The following TRIM2 variants were observed in gnomAD, a reference collection of about 807,000 sequenced individuals.
TRIM2 encodes tripartite motif-containing protein 2.
TRIM2 carries 20 observed loss-of-function variants against 75.2 expected under a neutral mutation model. The observed-to-expected ratio is 0.27, with a 90% CI of 0.19 to 0.39. TRIM2 has a LOEUF of 0.39. Among genes scored for constraint, TRIM2 ranks in the 10% least tolerant of loss-of-function variants. TRIM2 has a pLI of 1.00. For synonymous variants in TRIM2, 373 were observed against 388.3 expected (o/e 0.96, Z 0.46); for missense variants, 660 against 990.8 (o/e 0.67, Z 4.48).
At chr4:153,165,085 T>C (rs1730161969) in intron 1 of TRIM2, among the ~76,000 whole-genome samples, 1 of 152,188 alleles carries the variant, frequency 6.6e-6, no homozygotes, top group Admixed American at 6.6e-5. Context: ...ACTTCTCCAC[T>C]CCCTCTGGGA....
Position 153,315,848 on chromosome 4 carries a change from G to C in TRIM2, c.1631G>C (p.Gly544Ala). 6.2e-7 allele frequency: 1 copy of C among 1,614,086 alleles called. No individual in the cohort carries two copies. The highest frequency in any genetic ancestry group is 8.5e-7 in the Non-Finnish European group (1 of 1,180,022). The change falls in exon 8 of 12, where the codon GGC (glycine) becomes GCC (alanine). Residue 544 changes from glycine to alanine, a missense_variant. Physicochemically the swap from Gly to Ala is moderately conservative, Grantham distance 60. Around this residue, in one of 2 missense-constraint regions of TRIM2, gnomAD observed 620 missense variants for 891.0 expected, o/e 0.70. Coordinates refer to ENST00000338700, the MANE Select transcript of TRIM2 (RefSeq NM_015271.5). ...ATCTTACAGATATTTTCCAATGATGGCCAGTTCAAAAGTCGTTTTGGCATA... is the reference window on the plus strand; with the variant it reads ...ATCTTACAGATATTTTCCAATGATGCCCAGTTCAAAAGTCGTTTTGGCATA... ...NQCVQIFSND[G>A]QFKSRFGIRG...
intron 11 of TRIM2, 113 bp from the exon 12 acceptor site, chr4:153,334,701 G>A: frequency 3.7e-6 from 4 of 1,072,770 alleles, no homozygotes; most frequent in South Asian, 3.6e-5. Context: ...GTGAGACCCT[G>A]TCAAAAAGAA....
Position 153,314,216 on chromosome 4 carries a change from C to T in TRIM2, c.1511-1269C>T, listed in dbSNP as rs953109679. On this transcript the variant is annotated intron_variant, in intron 6 of 11. Coordinates refer to ENST00000338700, the MANE Select transcript of TRIM2 (RefSeq NM_015271.5). ...CGGGCGGATCACGAGGTCAGGAGAT[C>T]GAGACCATCCCGGCTAAAACGGTGA... is the stretch of plus-strand genomic sequence containing the variant. Among the ~76,000 whole-genome samples the T allele has an allele frequency of 6.9e-5, 10 of 144,576 alleles. No homozygotes were observed. The East Asian group carries it at 1.2e-3, about 17-fold the overall frequency. 94.8% of individuals were successfully genotyped at this position (144,576 alleles called of 152,430 possible).
At chr4:153,316,687 A>G (rs545011812) in intron 8 of TRIM2, among the ~76,000 whole-genome samples, 1 of 152,252 alleles carries the variant, frequency 6.6e-6, no homozygotes, top group African/African-American at 2.4e-5. Context: ...CTTTTTGCAA[A>G]TAAAAATTTA....
rs1210272666 is a variant in TRIM2 at position 153,338,553 on chromosome 4, T to A, written c.*3587T>A. ...TTTATAATTACTTTAATATTTTTGA[T>A]AACTAGAAATCTAGTATTGCCATAA... On this transcript the variant is annotated 3_prime_UTR_variant, in exon 12 of 12. Transcript: ENST00000338700. 2.0e-6 allele frequency: 2 copies of A among 983,902 alleles called. No homozygotes were observed. The highest frequency in any genetic ancestry group is 2.4e-6 in the Non-Finnish European group (2 of 828,328). 60.9% of individuals were successfully genotyped at this position (983,902 alleles called of 1,614,324 possible).
At chr4:153,270,289 C>T (rs1756357520) in intron 1 of TRIM2, 46 bp from the exon 2 acceptor site, 3 of 1,575,194 alleles carry the variant, frequency 1.9e-6, no homozygotes, top group Admixed American at 1.8e-5. Context: ...TGACTTGTAC[C>T]TACAGATCAT....
rs1772463867 is a variant in TRIM2 at position 153,336,443 on chromosome 4, A to G, written c.*1477A>G. The G allele has an allele frequency of 7.1e-6, 7 of 985,512 alleles. No homozygotes were observed. Among genetic ancestry groups the G allele is most frequent in the Non-Finnish European group, 8.4e-6 (7 of 829,688 alleles). 61.0% of individuals were successfully genotyped at this position (985,512 alleles called of 1,614,324 possible). On this transcript the variant is annotated 3_prime_UTR_variant, in exon 12 of 12. Coordinates refer to ENST00000338700, the MANE Select transcript of TRIM2 (RefSeq NM_015271.5). ...TGAGTTACATTTAATTTAAATATAA[A>G]TGCATTTTGAGAAATGTTAAGAACA...
intron 1 of TRIM2, among the ~76,000 whole-genome samples, chr4:153,225,347 C>T (rs1424048806): frequency 6.6e-6 from 1 of 152,196 alleles, no homozygotes; most frequent in East Asian, 1.9e-4. Flanking sequence ...ATGATGAAGA[C>T]AGGAACAATG....
chr4:153,301,180 G>A (rs1308234315), intron 6 of TRIM2, among the ~76,000 whole-genome samples: 1 of 149,584 alleles, frequency 6.7e-6, no homozygotes, highest in Admixed American at 6.6e-5. Flanking sequence ...GACAGAGCGA[G>A]ACTCTATCTC....
intron 6 of TRIM2, among the ~76,000 whole-genome samples, chr4:153,302,112 C>G (rs943563547): frequency 2.0e-5 from 3 of 152,030 alleles, no homozygotes; most frequent in Admixed American, 6.6e-5. Flanking sequence ...CATGAGCCAT[C>G]TTTTTATTTA....
chr4:153,324,236 G>A, intron 10 of TRIM2, 88 bp downstream of exon 10: 1 of 1,111,842 alleles, frequency 9.0e-7, no homozygotes, highest in Non-Finnish European at 1.3e-6. Context: ...ACTTACATAT[G>A]GCACCAAAGG....
intron 1 of TRIM2, among the ~76,000 whole-genome samples, chr4:153,157,869 G>T (rs1022949749): frequency 6.6e-6 from 1 of 152,144 alleles, no homozygotes; most frequent in Admixed American, 6.5e-5. Context: ...ACCAACCTTG[G>T]GGATCAGTAT....
chr4:153,242,152 C>T (rs1421628387), intron 1 of TRIM2, among the ~76,000 whole-genome samples: 2 of 152,136 alleles, frequency 1.3e-5, no homozygotes, highest in Admixed American at 6.5e-5. Context: ...ACCAATTTGA[C>T]CGGATTAAAA....
At chr4:153,205,844 C>G (rs1174629523) in intron 1 of TRIM2, among the ~76,000 whole-genome samples, 1 of 152,182 alleles carries the variant, frequency 6.6e-6, no homozygotes, top group African/African-American at 2.4e-5. Flanking sequence ...TGACGCCAAG[C>G]AACATGAATG....
intron 1 of TRIM2, among the ~76,000 whole-genome samples, chr4:153,158,917 GA>G (rs753470565): frequency 1.7e-4 from 26 of 152,354 alleles, no homozygotes; most frequent in African/African-American, 6.0e-4. Flanking sequence ...TGGGGAGAAA[GA>G]AGACAGGCTT....
At chr4:153,154,699 A>G (rs1465575142) in intron 1 of TRIM2, among the ~76,000 whole-genome samples, 1 of 152,218 alleles carries the variant, frequency 6.6e-6, no homozygotes, top group African/African-American at 2.4e-5. Context: ...GAATTTGCCT[A>G]AAAATACACT....
chr4:153,214,961 T>C (rs1738079567), intron 1 of TRIM2, among the ~76,000 whole-genome samples: 1 of 152,252 alleles, frequency 6.6e-6, no homozygotes, highest in Admixed American at 6.5e-5. Flanking sequence ...AGAGAAAATC[T>C]ACAACGATCA....
intron 1 of TRIM2, among the ~76,000 whole-genome samples, chr4:153,223,429 T>C (rs746652003): frequency 6.6e-6 from 1 of 152,244 alleles, no homozygotes; most frequent in Admixed American, 6.5e-5. Context: ...AAAAACATGT[T>C]TGGTCATTTT....
chr4:153,268,870 G>A (rs536916248), intron 1 of TRIM2, among the ~76,000 whole-genome samples: 2 of 152,232 alleles, frequency 1.3e-5, no homozygotes, highest in South Asian at 2.1e-4. Flanking sequence ...CAAATGCCCA[G>A]ACATGAATAC....
Sources: gnomAD v4.1 joint callset for allele counts (sites outside exome capture counted in the v4.1 genomes callset) on GRCh38, gnomAD v4.1.1 for gene constraint, gnomAD v4.1.1 regional missense constraint, MANE v1.5 for transcripts, NCBI Gene and HGNC (gene_info 2026-07-23, HGNC 2026-07-21) for gene names.